PLD3: variants seen among roughly 807,000 people sequenced by gnomAD.
PLD3 encodes phospholipase D family member 3.
In PLD3, 31 loss-of-function variants were observed where a neutral mutation model predicts 58.4. The ratio of observed to expected loss-of-function variants is 0.53; its 90% CI spans 0.40 to 0.72. The LOEUF (loss-of-function observed/expected upper bound fraction) is 0.72. Ranked by LOEUF, PLD3 falls within the 30% of genes least tolerant of loss-of-function variation. The pLI is 0.00. For synonymous variants in PLD3, 264 were observed against 273.4 expected (o/e 0.97, Z 0.34); for missense variants, 595 against 659.8 (o/e 0.90, Z 1.08).
chr19:40,353,025 T>G (rs1355193811), intron 1 of PLD3, among the ~76,000 whole-genome samples: 29 of 152,190 alleles, frequency 1.9e-4, no homozygotes, highest in Admixed American at 1.9e-3. Flanking sequence ...CCTGCACTTT[T>G]GCAGGCTCAC....
At chr19:40,367,109 C>T (rs925067493) in intron 5 of PLD3, 194 bp downstream of exon 5, 4 of 595,916 alleles carry the variant, frequency 6.7e-6, no homozygotes, top group Non-Finnish European at 8.7e-6. Flanking sequence ...GCGTCATCTT[C>T]TGTCAGGCCT....
intron 1 of PLD3, among the ~76,000 whole-genome samples, chr19:40,349,348 C>T (rs8110888): frequency 0.68 from 102,823 of 151,794 alleles, 34,852 homozygotes; most frequent in South Asian, 0.77. Flanking sequence ...ACTCCTCATG[C>T]TTCCAGTTTT....
chr19:40,366,025 A>G, intron 2 of PLD3, 95 bp downstream of exon 2: 1 of 180,182 alleles, frequency 5.5e-6, no homozygotes, highest in Non-Finnish European at 1.2e-5. Flanking sequence ...GGGGCACCTG[A>G]GGGCGGAGGA....
rs777000690 is a variant in PLD3 at position 40,370,153 on chromosome 19, C to T, written c.594C>T (p.Gly198=). 14 of 1,613,868 alleles carry T rather than the reference C, an allele frequency of 8.7e-6. No individual in the cohort carries two copies. The highest frequency in any genetic ancestry group is 1.0e-5 in the Non-Finnish European group (12 of 1,179,912). The change falls in exon 8 of 13, where the codon GGC becomes GGT. Residue 198 remains glycine (G), a synonymous_variant. Transcript: ENST00000409735. Reference sequence around the variant, plus strand: ...TGGACATGCAGAAGCTGACCCATGGCGTCCTGCATACCAAGTTCTGGGTGG... The same window carrying T: ...TGGACATGCAGAAGCTGACCCATGGTGTCCTGCATACCAAGTTCTGGGTGG... ...RMVDMQKLTH[G]VLHTKFWVVD... is the part of the protein sequence containing the mutation.
In PLD3 at chr19:40,378,371, G is replaced by C. The variant is rs1189404296; in HGVS notation, c.*198G>C. ...CCCGGGACCCAGCAGAGCTGGGGGA[G>C]GGATCAGCCCCCAAAGAAATGGGGG... is the stretch of plus-strand genomic sequence containing the variant. On this transcript the variant is annotated 3_prime_UTR_variant, in exon 13 of 13. Transcript: ENST00000409735. 1.5e-6 allele frequency: 1 copy of C among 688,906 alleles called. No individual in the cohort carries two copies. The highest frequency in any genetic ancestry group is 2.6e-6 in the Non-Finnish European group (1 of 383,246). 42.7% of individuals were successfully genotyped at this position (688,906 alleles called of 1,614,324 possible).
At chr19:40,366,274 G>C in intron 2 of PLD3, 145 bp from the exon 3 acceptor site, 1 of 617,114 alleles carries the variant, frequency 1.6e-6, no homozygotes, top group Non-Finnish European at 2.9e-6. Flanking sequence ...GCTGACCAGT[G>C]ACCAGCTTCC....
At position 40,376,591 on chromosome 19, in the gene PLD3, C is replaced by G; in HGVS notation, c.1020-18C>G. On this transcript the variant is annotated intron_variant, in intron 10 of 12. Coordinates refer to ENST00000409735, the MANE Select transcript of PLD3 (RefSeq NM_012268.4). Reference sequence around the variant, plus strand: ...CGCCCTCTGCATCCTGCCCCACCTCCTATACACCCGTCCTCAGGTTCTGGC... The same window carrying G: ...CGCCCTCTGCATCCTGCCCCACCTCGTATACACCCGTCCTCAGGTTCTGGC... 3 of 1,606,690 alleles carry G rather than the reference C, an allele frequency of 1.9e-6. No homozygotes were observed. Among genetic ancestry groups the G allele is most frequent in the Non-Finnish European group, 2.5e-6 (3 of 1,178,434 alleles).
rs1407436722 is a variant in PLD3, at chr19:40,370,112, G to A, written c.553G>A (p.Ala185Thr). 2 of 1,609,312 alleles carry A rather than the reference G, an allele frequency of 1.2e-6. No individual in the cohort carries two copies. The highest frequency in any genetic ancestry group is 1.7e-5 in the Admixed American group (1 of 59,194). ...ADLQALLQSG[A>T]QVRMVDMQKL... Reference sequence around the variant, plus strand: ...ATCTCTGCCCCTGCTGGTCACAGGTGCCCAGGTCCGCATGGTGGACATGCA... The same window carrying A: ...ATCTCTGCCCCTGCTGGTCACAGGTACCCAGGTCCGCATGGTGGACATGCA... The change falls in exon 8 of 13, where the codon GCC (alanine) becomes ACC (threonine). Residue 185 changes from alanine to threonine, a missense_variant and splice_region_variant. Physicochemically the swap from Ala to Thr is moderately conservative, Grantham distance 58. Coordinates refer to ENST00000409735, the MANE Select transcript of PLD3 (RefSeq NM_012268.4).
At chr19:40,356,896 G>A (rs1424950752) in intron 1 of PLD3, 1 of 152,256 alleles carries the variant, frequency 6.6e-6, no homozygotes, top group Non-Finnish European at 1.5e-5. Context: ...AGGATTTTGA[G>A]CAGGAGTGAG....
chr19:40,368,276 T>A (rs1419272736), intron 6 of PLD3, among the ~76,000 whole-genome samples: 1 of 152,148 alleles, frequency 6.6e-6, no homozygotes, highest in Non-Finnish European at 1.5e-5. Flanking sequence ...CTTCAGTTTC[T>A]TTATCTGTAA....
Position 40,364,628 on chromosome 19 carries a change from A to C in PLD3, c.-278-1090A>C, listed in dbSNP as rs186023223. 5.2e-4 allele frequency among the ~76,000 whole-genome samples: 78 copies of C among 150,716 alleles called. 1 individual carries two copies. The East Asian group carries it at 0.015, about 29-fold the overall frequency. ...AACATGGTGAAACCCCATCTCTACTAAAAAATACAAAAAAAAAATTAGCCG... is the reference window on the plus strand; with the variant it reads ...AACATGGTGAAACCCCATCTCTACTCAAAAATACAAAAAAAAAATTAGCCG... On this transcript the variant is annotated intron_variant, in intron 1 of 12. Coordinates refer to ENST00000409735, the MANE Select transcript of PLD3 (RefSeq NM_012268.4).
chr19:40,359,689 A>C (rs1300529527), intron 1 of PLD3: 4 of 152,168 alleles, frequency 2.6e-5, no homozygotes. Context: ...ATTTAAAAAA[A>C]TTCAATGTAA....
rs369138723 is a variant in PLD3 at position 40,367,819 on chromosome 19, C to G, written c.369C>G (p.Ala123=). The change falls in exon 6 of 13, where the codon GCC becomes GCG. Residue 123 remains alanine (A), a synonymous_variant. Coordinates refer to ENST00000409735, the MANE Select transcript of PLD3 (RefSeq NM_012268.4). The part of the protein sequence containing the change: ...LAGAHSSLDI[A]SFYWTLTNND... ...GTGCGCACAGCAGCCTGGACATCGC[C>G]TCCTTCTACTGGACCCTCACCAACA... is the stretch of plus-strand genomic sequence containing the variant. 13 of 1,597,086 alleles carry G rather than the reference C, an allele frequency of 8.1e-6. No individual in the cohort carries two copies. Among genetic ancestry groups the G allele is most frequent in the Non-Finnish European group, 1.1e-5 (13 of 1,172,750 alleles).
intron 1 of PLD3, among the ~76,000 whole-genome samples, chr19:40,363,724 C>T (rs980666926): frequency 1.3e-5 from 2 of 152,114 alleles, no homozygotes; most frequent in Non-Finnish European, 1.5e-5. Context: ...AGCCACCACA[C>T]CCGACCTGCT....
chr19:40,376,830 C>T, intron 11 of PLD3, 56 bp downstream of exon 11: 1 of 1,504,690 alleles, frequency 6.6e-7, no homozygotes, highest in Non-Finnish European at 9.0e-7. Flanking sequence ...CCTAGGGACA[C>T]AGCCCTCATG....
At chr19:40,373,319 G>A (rs1472475348) in intron 9 of PLD3, among the ~76,000 whole-genome samples, 1 of 152,130 alleles carries the variant, frequency 6.6e-6, no homozygotes, top group Non-Finnish European at 1.5e-5. Context: ...GCTCATGCCT[G>A]TAATCCTAGC....
At chr19:40,350,116 C>T (rs1207459269) in intron 1 of PLD3, among the ~76,000 whole-genome samples, 1 of 151,072 alleles carries the variant, frequency 6.6e-6, no homozygotes, top group African/African-American at 2.4e-5. Flanking sequence ...CAAAATTAGC[C>T]AGGCATGGTG....
At chr19:40,369,119 T>C (rs2079002257) in intron 6 of PLD3, among the ~76,000 whole-genome samples, 1 of 152,008 alleles carries the variant, frequency 6.6e-6, no homozygotes, top group Non-Finnish European at 1.5e-5. Context: ...AGTGAAACCC[T>C]GTCTCTAAAA....
chr19:40,371,998 A>C, intron 9 of PLD3, 125 bp downstream of exon 9: 6 of 759,828 alleles, frequency 7.9e-6, no homozygotes, highest in Non-Finnish European at 1.3e-5. Flanking sequence ...ACCCCAGCTC[A>C]TTCTGCTTGG....
Sources: allele counts gnomAD v4.1 joint callset (sites outside exome capture counted in the v4.1 genomes callset), GRCh38; gene constraint gnomAD v4.1.1; transcripts MANE v1.5; gene names NCBI Gene and HGNC (gene_info 2026-07-23, HGNC 2026-07-21).